The following ANO4 variants were observed in gnomAD, a reference collection of about 807,000 sequenced individuals.
ANO4 encodes the protein anoctamin 4, also known as anoctamin-4.
ANO4 carries 69 observed loss-of-function variants against 141.9 expected under a neutral mutation model. The observed-to-expected ratio is 0.49, with a 90% CI of 0.40 to 0.59. The LOEUF (loss-of-function observed/expected upper bound fraction) is 0.59. Ranked by LOEUF, ANO4 falls within the 20% of genes least tolerant of loss-of-function variation. The probability of loss-of-function intolerance (pLI) is 0.00; values close to 1 mark genes in which losing one functional copy is unlikely to be tolerated. For missense variants in ANO4, 894 were observed against 1,162.2 expected (o/e 0.77, Z 3.36); for synonymous variants, 350 against 394.3 (o/e 0.89, Z 1.33).
At chr12:100,858,477 GT>G (rs2038299783) in intron 1 of ANO4, among the ~76,000 whole-genome samples, 1 of 152,130 alleles carries the variant, frequency 6.6e-6, no homozygotes, top group Non-Finnish European at 1.5e-5. Flanking sequence ...ATATCTATAT[GT>G]ATATGGGTGT....
At chr12:100,878,099 A>G (rs1207707506) in intron 1 of ANO4, among the ~76,000 whole-genome samples, 1 of 152,132 alleles carries the variant, frequency 6.6e-6, no homozygotes, top group Non-Finnish European at 1.5e-5. Context: ...TGGGAATCAC[A>G]AAGCAATATT....
intron 14 of ANO4, among the ~76,000 whole-genome samples, chr12:101,056,217 G>A (rs543554077): frequency 2.6e-5 from 4 of 152,200 alleles, no homozygotes; most frequent in East Asian, 3.9e-4. Context: ...ATGTCAGTTT[G>A]GAAAGATTGA....
intron 3 of ANO4, among the ~76,000 whole-genome samples, chr12:100,789,091 C>A (rs1340708754): frequency 6.6e-6 from 1 of 152,038 alleles, no homozygotes; most frequent in Non-Finnish European, 1.5e-5. Context: ...ACCTTCTTCC[C>A]ACCACTCATG....
chr12:101,126,981 A>ATGAT lies in ANO4; in HGVS notation c.2780_2783dup (p.Met928IlefsTer4). 1 of 1,614,150 alleles carries ATGAT rather than the reference A, an allele frequency of 6.2e-7. No individual in the cohort carries two copies. The highest frequency in any genetic ancestry group is 8.5e-7 in the Non-Finnish European group (1 of 1,180,026). ...AAGAGAGAAGTACTTGATTCAGGAG[A>ATGAT]TGATGTATGAAGCAGAACTGGAACG... On this transcript the variant is annotated frameshift_variant, in exon 27 of 28. Coordinates refer to ENST00000392977, the MANE Select transcript of ANO4 (RefSeq NM_001286615.2). LOFTEE classifies it high-confidence loss of function.
At chr12:101,008,853 G>T (rs963118354) in intron 8 of ANO4, among the ~76,000 whole-genome samples, 7 of 151,990 alleles carry the variant, frequency 4.6e-5, no homozygotes, top group Non-Finnish European at 8.8e-5. Context: ...CTTGCCTTCC[G>T]CTCCTGTTAT....
At position 100,988,544 on chromosome 12, in the gene ANO4, T is replaced by TA. The variant is rs72390438; in HGVS notation, c.734+891dup. 4.0e-3 allele frequency among the ~76,000 whole-genome samples: 538 copies of TA among 133,616 alleles called. 2 individuals carry two copies. Among genetic ancestry groups the TA allele is most frequent in the African/African-American group, 0.011 (395 of 36,710 alleles). 87.7% of individuals were successfully genotyped at this position (133,616 alleles called of 152,430 possible). A position where few individuals can be genotyped will look rare whatever the true frequency, so the allele number is the denominator to read the frequency against. On this transcript the variant is annotated intron_variant, in intron 8 of 27. Coordinates refer to ENST00000392977, the MANE Select transcript of ANO4 (RefSeq NM_001286615.2). Reference sequence around the variant, plus strand: ...GGAGGGAAGAAAAGGGTGATGGATTTAAAAAAAAAAAAAAAAAGGTTGCTG... The same window carrying TA: ...GGAGGGAAGAAAAGGGTGATGGATTTAAAAAAAAAAAAAAAAAAGGTTGCTG...
intron 3 of ANO4, among the ~76,000 whole-genome samples, chr12:100,755,532 T>G (rs1484465893): frequency 6.6e-6 from 1 of 152,234 alleles, no homozygotes; most frequent in African/African-American, 2.4e-5. Flanking sequence ...CAATATTTAT[T>G]GAATTAAATG....
intron 5 of ANO4, among the ~76,000 whole-genome samples, chr12:100,958,200 G>C (rs1413727028): frequency 6.6e-6 from 1 of 152,124 alleles, no homozygotes; most frequent in Non-Finnish European, 1.5e-5. Flanking sequence ...AATGTTGCTG[G>C]AAAAAACATG....
intron 8 of ANO4, among the ~76,000 whole-genome samples, chr12:100,996,816 G>A (rs1256549049): frequency 1.3e-5 from 2 of 152,198 alleles, no homozygotes; most frequent in Admixed American, 6.5e-5. Context: ...AGCAGAAAAG[G>A]CAGCAAGTTA....
chr12:100,847,619 C>T (rs1367290446), intron 1 of ANO4, among the ~76,000 whole-genome samples: 1 of 151,942 alleles, frequency 6.6e-6, no homozygotes, highest in Non-Finnish European at 1.5e-5. Context: ...CTACAGGTGC[C>T]CACCACCACG....
At position 101,037,167 on chromosome 12, in the gene ANO4, A is replaced by T. The variant is rs765554863; in HGVS notation, c.897+17A>T. On this transcript the variant is annotated intron_variant, in intron 10 of 27. Transcript: ENST00000392977. ...CTGCATGAGGTATTGTGCTGTCTTT[A>T]ATCTTTATCTTTCTTTCAATCGTTT... 6.2e-7 allele frequency: 1 copy of T among 1,611,044 alleles called. No homozygotes were observed. Among genetic ancestry groups the T allele is most frequent in the East Asian group, 2.2e-5 (1 of 44,822 alleles).
At chr12:100,791,096 A>G (rs549852793), upstream of ANO4, among the ~76,000 whole-genome samples, 78 of 152,342 alleles carry the variant, frequency 5.1e-4, 1 homozygote, top group South Asian at 0.016. Flanking sequence ...ATGTAATTCA[A>G]GGCTGGGTGT....
chr12:100,930,849 T>C (rs1477275681), intron 3 of ANO4, among the ~76,000 whole-genome samples: 1 of 152,004 alleles, frequency 6.6e-6, no homozygotes, highest in Admixed American at 6.6e-5. Flanking sequence ...AAACAGAAAC[T>C]GAGTTGTTTG....
At chr12:100,972,023 C>G (rs556393280) in intron 6 of ANO4, among the ~76,000 whole-genome samples, 16 of 151,988 alleles carry the variant, frequency 1.1e-4, no homozygotes, top group Admixed American at 1.0e-3. Flanking sequence ...TTTATTTTCC[C>G]TATGGATTAT....
chr12:100,919,803 G>A (rs1408726455), intron 2 of ANO4, among the ~76,000 whole-genome samples: 1 of 146,938 alleles, frequency 6.8e-6, no homozygotes, highest in African/African-American at 2.5e-5. Context: ...CTATATTCTT[G>A]TATTGGTTTT....
At chr12:100,786,418 A>G (rs1182231984) in intron 3 of ANO4, among the ~76,000 whole-genome samples, 12 of 152,060 alleles carry the variant, frequency 7.9e-5, no homozygotes, top group African/African-American at 2.9e-4. Context: ...GTCTTGCCCT[A>G]CTTCTTCAAG....
chr12:101,073,549 T>C (rs1485581507), intron 14 of ANO4, among the ~76,000 whole-genome samples: 1 of 135,040 alleles, frequency 7.4e-6, no homozygotes, highest in Non-Finnish European at 1.6e-5. Flanking sequence ...TGTGCACATA[T>C]ACCCTAGAAC....
intron 24 of ANO4, among the ~76,000 whole-genome samples, chr12:101,113,180 C>T (rs182028356): frequency 3.9e-5 from 6 of 152,300 alleles, no homozygotes; most frequent in South Asian, 2.1e-4. Flanking sequence ...CTCTCCATCC[C>T]GCACCTCACA....
Position 100,993,492 on chromosome 12 carries a change from C to T in ANO4, c.734+5822C>T, listed in dbSNP as rs1041675971. 4.6e-5 allele frequency among the ~76,000 whole-genome samples: 7 copies of T among 151,738 alleles called. No individual in the cohort carries two copies. The East Asian group carries it at 7.7e-4, about 17-fold the overall frequency. On this transcript the variant is annotated intron_variant, in intron 8 of 27. Transcript: ENST00000392977. ...ACCTGCTATAGGTCGTACACCTAGG[C>T]GAGGCTACCTGTCTAAACAACTCCC...
Sources: gnomAD v4.1 joint callset for allele counts (sites outside exome capture counted in the v4.1 genomes callset) on GRCh38, gnomAD v4.1.1 for gene constraint, MANE v1.5 for transcripts, NCBI Gene and HGNC (gene_info 2026-07-23, HGNC 2026-07-21) for gene names.